The following POP4 variants were observed in gnomAD, a reference collection of about 807,000 sequenced individuals.
POP4 encodes POP4 ribonuclease P/MRP subunit.
Under a neutral mutation model 29.9 loss-of-function variants are expected in POP4, and 31 were observed. The ratio of observed to expected loss-of-function variants is 1.04; its 90% CI spans 0.78 to 1.40. The LOEUF is 1.40. Among genes scored for constraint, POP4 ranks in the 40% most tolerant of loss-of-function variants. POP4 has a pLI of 0.00. For synonymous variants in POP4, 110 were observed against 108.2 expected (o/e 1.02, Z -0.10); for missense variants, 286 against 282.7 (o/e 1.01, Z -0.08).
rs10625292 is a variant in POP4 at position 29,607,282 on chromosome 19, G to GAAA, written c.7+968_7+970dup. Among the ~76,000 whole-genome samples, 287 of 146,468 alleles carry GAAA rather than the reference G, an allele frequency of 2.0e-3. 2 individuals carry two copies. Among genetic ancestry groups the GAAA allele is most frequent in the East Asian group, 0.013 (65 of 4,980 alleles). On this transcript the variant is annotated intron_variant, in intron 1 of 6. Coordinates refer to ENST00000585603, the MANE Select transcript of POP4 (RefSeq NM_006627.3). ...CGAGACCCTGTCTCTACAAAAACTG[G>GAAA]AAAAAAAAAAAAAGAATTAGCCAGG...
chr19:29,609,489 A>T (rs1230180738), intron 2 of POP4, among the ~76,000 whole-genome samples: 2 of 152,230 alleles, frequency 1.3e-5, no homozygotes, highest in Non-Finnish European at 2.9e-5. Context: ...CTCAGGAAAC[A>T]GCCCAGCCAG....
At chr19:29,614,039 C>T in intron 6 of POP4, 67 bp downstream of exon 6, 2 of 1,553,854 alleles carry the variant, frequency 1.3e-6, no homozygotes, top group Non-Finnish European at 1.7e-6. Flanking sequence ...TAGCCTTTTC[C>T]TCAAGGCTCC....
At chr19:29,608,774 G>A in intron 2 of POP4, 65 bp downstream of exon 2, 1 of 1,459,368 alleles carries the variant, frequency 6.9e-7, no homozygotes, top group East Asian at 2.3e-5. Context: ...AGTAGCTTCT[G>A]AGCCCCCAGC....
chr19:29,608,542 C>A (rs1971030452), intron 1 of POP4, 115 bp from the exon 2 acceptor site: 4 of 1,044,276 alleles, frequency 3.8e-6, no homozygotes, highest in African/African-American at 1.6e-5. Context: ...AGTGCTAGGA[C>A]TACAGGTATG....
intron 3 of POP4, 141 bp from the exon 4 acceptor site, chr19:29,611,721 T>TAAAAA: frequency 7.3e-6 from 5 of 685,020 alleles, no homozygotes; most frequent in South Asian, 3.6e-5. Context: ...TCAGCTCAAT[T>TAAAAA]GCTCATCGTC....
intron 5 of POP4, among the ~76,000 whole-genome samples, chr19:29,612,634 G>A (rs1028184739): frequency 6.6e-6 from 1 of 152,222 alleles, no homozygotes; most frequent in East Asian, 1.9e-4. Context: ...GATGTTCAGG[G>A]GGCATCTCAG....
rs1161004986 is a variant in POP4, at chr19:29,616,749, C to T, written c.*1369C>T. On this transcript the variant is annotated 3_prime_UTR_variant, in exon 7 of 7. Transcript: ENST00000585603. Reference sequence around the variant, plus strand: ...GGTGTTCTGAGGCAGCTCAAGTGCTCTCCCCCAAGCAGCACGCAGTCACCG... The same window carrying T: ...GGTGTTCTGAGGCAGCTCAAGTGCTTTCCCCCAAGCAGCACGCAGTCACCG... 1 of 152,308 alleles carries T rather than the reference C, an allele frequency of 6.6e-6. No individual in the cohort carries two copies. The highest frequency in any genetic ancestry group is 2.4e-5 in the African/African-American group (1 of 41,440). 9.4% of individuals were successfully genotyped at this position (152,308 alleles called of 1,614,324 possible).
intron 1 of POP4, among the ~76,000 whole-genome samples, chr19:29,607,282 G>GAAAA (rs10625292): frequency 1.6e-4 from 23 of 146,528 alleles, no homozygotes; most frequent in African/African-American, 4.5e-4. Flanking sequence ...ACAAAAACTG[G>GAAAA]AAAAAAAAAA....
chr19:29,610,698 G>A, intron 3 of POP4, 66 bp downstream of exon 3: 1 of 1,516,704 alleles, frequency 6.6e-7, no homozygotes, highest in Admixed American at 2.0e-5. Flanking sequence ...GAACTTGGCT[G>A]AGTGGCTGGG....
In POP4 at chr19:29,616,448, C is replaced by T. The variant is rs1971132512; in HGVS notation, c.*1068C>T. 6.6e-6 allele frequency: 1 copy of T among 152,278 alleles called. No individual in the cohort carries two copies. Among genetic ancestry groups the T allele is most frequent in the South Asian group, 2.1e-4 (1 of 4,830 alleles). The allele number at this position is 152,278 out of a possible 1,614,324, so 9.4% of individuals were successfully genotyped here. A position where few individuals can be genotyped will look rare whatever the true frequency, so the allele number is the denominator to read the frequency against. ...TCAGCAAGGCAAGGCCAGGAGCCCTCCTGGCGAAAGGCAGGCCACAAATCT... is the reference window on the plus strand; with the variant it reads ...TCAGCAAGGCAAGGCCAGGAGCCCTTCTGGCGAAAGGCAGGCCACAAATCT... On this transcript the variant is annotated 3_prime_UTR_variant, in exon 7 of 7. Transcript: ENST00000585603.
At chr19:29,608,014 C>T (rs1221966546) in intron 1 of POP4, among the ~76,000 whole-genome samples, 1 of 152,172 alleles carries the variant, frequency 6.6e-6, no homozygotes, top group Non-Finnish European at 1.5e-5. Flanking sequence ...CACTCAGGAT[C>T]TAGGGTAGGA....
At chr19:29,610,690 A>T in intron 3 of POP4, 58 bp downstream of exon 3, 1 of 1,552,592 alleles carries the variant, frequency 6.4e-7, no homozygotes, top group Non-Finnish European at 8.8e-7. Context: ...TGGTGTGTGA[A>T]CTTGGCTGAG....
chr19:29,608,794 G>C (rs1568293845), intron 2 of POP4, 85 bp downstream of exon 2: 1 of 1,295,534 alleles, frequency 7.7e-7, no homozygotes, highest in East Asian at 2.3e-5. Flanking sequence ...CACTGATTGA[G>C]ATGTCCTTTC....
Position 29,612,196 on chromosome 19 carries a change from G to A in POP4, c.424+18G>A, listed in dbSNP as rs546064463. On this transcript the variant is annotated intron_variant, in intron 5 of 6. Coordinates refer to ENST00000585603, the MANE Select transcript of POP4 (RefSeq NM_006627.3). The stretch of plus-strand genomic sequence containing the variant: ...TATTTCAGGTAATTTACCTAAGAGC[G>A]TGTAGCACATGGCCATCCAGAGGTT... 1.8e-5 allele frequency: 28 copies of A among 1,594,258 alleles called. No individual in the cohort carries two copies. The Admixed American group carries it at 2.0e-4, about 11-fold the overall frequency.
In POP4 at chr19:29,616,683, C is replaced by T. The variant is rs45518039; in HGVS notation, c.*1303C>T. 0.03 allele frequency: 4,643 copies of T among 152,624 alleles called. 134 individuals carry two copies. The highest frequency in any genetic ancestry group is 0.093 in the South Asian group (447 of 4,820). 9.5% of individuals were successfully genotyped at this position (152,624 alleles called of 1,614,324 possible). The stretch of plus-strand genomic sequence containing the variant: ...TCTCACAGGGACCAACACGGTGCCT[C>T]GGTCCTGCTTCCATCCATGCAAGTG... On this transcript the variant is annotated 3_prime_UTR_variant, in exon 7 of 7. Coordinates refer to ENST00000585603, the MANE Select transcript of POP4 (RefSeq NM_006627.3).
rs1182596406 is a variant in POP4 at position 29,613,968 on chromosome 19, G to A, written c.522G>A (p.Leu174=). Residue 174 remains leucine, a synonymous_variant, in exon 6 of 7, where the codon CTG becomes CTA. Transcript: ENST00000585603. ...IFKIITKEDR[L]KVIPKLNCVF... ...AAATTATCACCAAAGAAGACCGCCT[G>A]AAAGGTATGTAGGTGTTTCTGAGGG... The A allele has an allele frequency of 2.5e-6, 4 of 1,613,098 alleles. No homozygotes were observed. The highest frequency in any genetic ancestry group is 1.7e-5 in the Admixed American group (1 of 59,788).
In POP4 at chr19:29,616,942, G is replaced by A. The variant is rs1971138824; in HGVS notation, c.*1562G>A. 9.5e-6 allele frequency: 1 copy of A among 105,344 alleles called. No individual in the cohort carries two copies. The highest frequency in any genetic ancestry group is 3.3e-5 in the African/African-American group (1 of 30,538). 6.5% of individuals were successfully genotyped at this position (105,344 alleles called of 1,614,324 possible). On this transcript the variant is annotated 3_prime_UTR_variant, in exon 7 of 7. Coordinates refer to ENST00000585603, the MANE Select transcript of POP4 (RefSeq NM_006627.3). ...TGCCTAAGGCCTCGCTGACTCAAGG[G>A]TAGATTGAGATTTGGACCTAATAGG...
In POP4 at chr19:29,613,892, CTTA is replaced by C. The variant is rs761860573; in HGVS notation, c.448_450del (p.Tyr150del). The C allele has an allele frequency of 6.2e-7, 1 of 1,613,526 alleles. No homozygotes were observed. The highest frequency in any genetic ancestry group is 1.1e-5 in the South Asian group (1 of 91,020). On this transcript the variant is annotated inframe_deletion, in exon 6 of 7. Transcript: ENST00000585603. ...GCAGTGACAAAATCCAAATGCCCCT[CTTA>C]TGTGGGTATTACAGGAATCCTTCTA...
chr19:29,609,072 TA>T (rs1971036426), intron 2 of POP4: 2 of 184,724 alleles, frequency 1.1e-5, no homozygotes, highest in Non-Finnish European at 2.2e-5. Flanking sequence ...AAGTGAAATT[TA>T]CAGATTATAT....
Sources: gnomAD v4.1 joint callset for allele counts (sites outside exome capture counted in the v4.1 genomes callset) on GRCh38, gnomAD v4.1.1 for gene constraint, MANE v1.5 for transcripts, NCBI Gene and HGNC (gene_info 2026-07-23, HGNC 2026-07-21) for gene names.